PSEN1: variants seen among roughly 807,000 people sequenced by gnomAD.
The protein encoded by PSEN1 is presenilin 1.
In PSEN1, 15 loss-of-function variants were observed where a neutral mutation model predicts 53.5. That is an observed-to-expected ratio of 0.28 (90% CI 0.19 to 0.43). The LOEUF (loss-of-function observed/expected upper bound fraction) is 0.43, where lower values mean the gene tolerates loss of function less well. PSEN1 is among the 20% of genes least tolerant of loss of function. PSEN1 has a pLI of 1.00. For synonymous variants in PSEN1, 208 were observed against 209.8 expected (o/e 0.99, Z 0.08); for missense variants, 387 against 571.2 (o/e 0.68, Z 3.29).
chr14:73,181,566 C>T (rs1209675122), intron 5 of PSEN1, among the ~76,000 whole-genome samples: 1 of 152,022 alleles, frequency 6.6e-6, no homozygotes, highest in African/African-American at 2.4e-5. Context: ...CCAGTCTAGC[C>T]TGGGAAACAT....
intron 1 of PSEN1, among the ~76,000 whole-genome samples, chr14:73,142,658 CTGAACAT>C (rs1438909056): frequency 2.0e-5 from 3 of 152,154 alleles, no homozygotes; most frequent in African/African-American, 7.2e-5. Flanking sequence ...TTGTGAGATT[CTGAACAT>C]TGCTCCTGTG....
chr14:73,148,758 C>T (rs1184949375), intron 3 of PSEN1, among the ~76,000 whole-genome samples: 3 of 152,022 alleles, frequency 2.0e-5, no homozygotes, highest in Non-Finnish European at 4.4e-5. Flanking sequence ...CATGGAGAAA[C>T]CCCATCTCTA....
At chr14:73,203,577 C>T (rs362369) in intron 8 of PSEN1, among the ~76,000 whole-genome samples, 10,521 of 152,178 alleles carry the variant, frequency 0.069, 529 homozygotes, top group South Asian at 0.19. Context: ...ATAAATAATT[C>T]TTTCATGCAT....
intron 8 of PSEN1, among the ~76,000 whole-genome samples, chr14:73,201,062 AAAG>A (rs1206193776): frequency 6.7e-6 from 1 of 150,010 alleles, no homozygotes; most frequent in African/African-American, 2.5e-5. Context: ...CCTCCCAAAA[AAAG>A]AGAATATCTT....
rs141804925 is a variant in PSEN1, at chr14:73,219,397, C to T, written c.*108C>T. The T allele has an allele frequency of 4.9e-4, 622 of 1,263,434 alleles. 2 individuals are homozygous for T. The African/African-American group carries it at 7.7e-3, about 16-fold the overall frequency. The allele number at this position is 1,263,434 out of a possible 1,614,324, so 78.3% of individuals were successfully genotyped here. A position where few individuals can be genotyped will look rare whatever the true frequency, so the allele number is the denominator to read the frequency against. On this transcript the variant is annotated 3_prime_UTR_variant, in exon 12 of 12. Coordinates refer to ENST00000324501, the MANE Select transcript of PSEN1 (RefSeq NM_000021.4). ...CCACATCTAACAAAGTCAAGATTCC[C>T]GGCTGGACTTTTGCAGCTTCCTTCC...
rs78841957 is a variant in PSEN1, at chr14:73,140,897, G to T, written c.-136+4314G>T. ...GTTCAGAGCATGTATTCTCACTCAG[G>T]GCTCTGCTTCCTTGTAGGTAGATGT... On this transcript the variant is annotated intron_variant, in intron 1 of 11. Coordinates refer to ENST00000324501, the MANE Select transcript of PSEN1 (RefSeq NM_000021.4). Among the ~76,000 whole-genome samples the T allele has an allele frequency of 2.6e-5, 4 of 152,230 alleles. No individual in the cohort carries two copies. In the East Asian group the frequency reaches 7.7e-4, roughly 29 times the overall value.
At chr14:73,164,240 G>A (rs552941035) in intron 3 of PSEN1, among the ~76,000 whole-genome samples, 1 of 152,288 alleles carries the variant, frequency 6.6e-6, no homozygotes, top group South Asian at 2.1e-4. Context: ...GAAGACAGAG[G>A]AGAAGCTTAG....
chr14:73,209,411 G>C (rs999533450), intron 9 of PSEN1, among the ~76,000 whole-genome samples: 1 of 152,226 alleles, frequency 6.6e-6, no homozygotes, highest in African/African-American at 2.4e-5. Context: ...GTGTTAACCT[G>C]TGTTAAGCTA....
At chr14:73,206,238 CT>C (rs149238167) in intron 8 of PSEN1, 147 bp from the exon 9 acceptor site, 15 of 689,250 alleles carry the variant, frequency 2.2e-5, no homozygotes, top group African/African-American at 3.6e-5. Context: ...CAAAGAGAAC[CT>C]TTTTTTTATT....
Position 73,193,199 on chromosome 14 carries a change from A to T in PSEN1, c.769+335A>T, listed in dbSNP as rs145727060. On this transcript the variant is annotated intron_variant, in intron 7 of 11. Transcript: ENST00000324501. ...GTGGTGCACACCTGTAGTTCCAGCT[A>T]CTTAGGAGGCTGAGGTGGGAGGATC... 8.1e-3 allele frequency among the ~76,000 whole-genome samples: 1,226 copies of T among 152,126 alleles called. 29 individuals are homozygous for T. Among genetic ancestry groups the T allele is most frequent in the Admixed American group, 0.049 (744 of 15,262 alleles).
chr14:73,170,281 AAGAGT>A (rs1202223952), intron 3 of PSEN1, among the ~76,000 whole-genome samples: 12 of 152,166 alleles, frequency 7.9e-5, no homozygotes, highest in African/African-American at 2.9e-4. Context: ...TCCCGTAACT[AAGAGT>A]ACCTAACCTC....
intron 7 of PSEN1, among the ~76,000 whole-genome samples, chr14:73,196,219 C>A (rs1898931598): frequency 6.6e-6 from 1 of 151,996 alleles, no homozygotes; most frequent in Middle Eastern, 3.2e-3. Context: ...TTTAGCAATT[C>A]TTTAAGGGAG....
Position 73,211,815 on chromosome 14 carries a change from C to T in PSEN1, c.1002C>T (p.Gly334=), listed in dbSNP as rs116640707. 1.2e-4 allele frequency: 187 copies of T among 1,613,944 alleles called. 2 individuals are homozygous for T. The African/African-American group carries it at 1.4e-3, about 12-fold the overall frequency. The change falls in exon 10 of 12, where the codon GGC becomes GGT. Residue 334 remains glycine (G), a synonymous_variant. Transcript: ENST00000324501. ...ACACTGTTGCAGAGAATGATGATGG[C>T]GGGTTCAGTGAGGAATGGGAAGCCC... ...SQDTVAENDD[G]GFSEEWEAQR... is the part of the protein sequence containing the mutation.
At chr14:73,184,284 G>A (rs1898365355) in intron 5 of PSEN1, among the ~76,000 whole-genome samples, 1 of 130,912 alleles carries the variant, frequency 7.6e-6, no homozygotes, top group Non-Finnish European at 1.7e-5. Context: ...GGACGGGGCG[G>A]CTGGCCGGGC....
At chr14:73,178,152 T>G (rs1044194077) in intron 5 of PSEN1, among the ~76,000 whole-genome samples, 10 of 151,644 alleles carry the variant, frequency 6.6e-5, no homozygotes, top group African/African-American at 1.9e-4. Flanking sequence ...ACTCCTGGCC[T>G]TAAGTATTCC....
chr14:73,168,474 C>T (rs147759952), intron 3 of PSEN1: 1 of 152,184 alleles, frequency 6.6e-6, no homozygotes, highest in African/African-American at 2.4e-5. Context: ...GTCGGAAATA[C>T]AAGCCACTGA....
intron 2 of PSEN1, 25 bp downstream of exon 2, chr14:73,147,901 A>G (rs1897115505): frequency 1.3e-6 from 1 of 794,310 alleles, no homozygotes; most frequent in Non-Finnish European, 2.2e-6. Context: ...AATGTAATCT[A>G]TGAAAGTGTT....
rs572085113 is a variant in PSEN1, at chr14:73,213,411, T to A, written c.1129+1469T>A. Among the ~76,000 whole-genome samples, 673 of 146,122 alleles carry A rather than the reference T, an allele frequency of 4.6e-3. 5 individuals are homozygous for A. The highest frequency in any genetic ancestry group is 0.01 in the Middle Eastern group (3 of 286). On this transcript the variant is annotated intron_variant, in intron 10 of 11. Transcript: ENST00000324501. Reference sequence around the variant, plus strand: ...CCTCCTCCTCTTCGTCTCCAACTTTTAAAAAAAAAAAAGTGAAACTATCAA... The same window carrying A: ...CCTCCTCCTCTTCGTCTCCAACTTTAAAAAAAAAAAAAGTGAAACTATCAA...
chr14:73,151,914 T>A (rs1897241799), intron 3 of PSEN1, among the ~76,000 whole-genome samples: 4 of 105,766 alleles, frequency 3.8e-5, no homozygotes, highest in East Asian at 2.7e-4. Flanking sequence ...TTTTTTTTTT[T>A]TTTTTTTTTT....
Sources: gnomAD v4.1 joint callset for allele counts (sites outside exome capture counted in the v4.1 genomes callset) on GRCh38, gnomAD v4.1.1 for gene constraint, MANE v1.5 for transcripts, NCBI Gene and HGNC (gene_info 2026-07-23, HGNC 2026-07-21) for gene names.